The following KMT2A variants were observed in gnomAD, a reference collection of about 807,000 sequenced individuals.
KMT2A encodes histone-lysine N-methyltransferase 2A.
In KMT2A, 16 loss-of-function variants were observed where a neutral mutation model predicts 345.3. The observed-to-expected ratio is 0.05, with a 90% confidence interval of 0.03 to 0.07. KMT2A has a LOEUF of 0.07. Among genes scored for constraint, KMT2A ranks in the 10% least tolerant of loss-of-function variants. The pLI, the probability that KMT2A is intolerant of heterozygous loss-of-function variation, is 1.00. For missense variants in KMT2A, 3,272 were observed against 4,841.6 expected (o/e 0.68, Z 9.62); for synonymous variants, 1,599 against 1,778.6 (o/e 0.90, Z 2.54).
Position 118,471,911 on chromosome 11 carries a change from A to G in KMT2A, c.752A>G (p.Asp251Gly). The G allele has an allele frequency of 1.2e-6, 2 of 1,613,996 alleles. No homozygotes were observed. The highest frequency in any genetic ancestry group is 1.7e-6 in the Non-Finnish European group (2 of 1,179,994). The change falls in exon 3 of 36, where the codon GAT becomes GGT. Residue 251 changes from aspartate to glycine, a missense_variant. This residue lies in a region of KMT2A where 412 missense variants were observed against 511.0 expected (regional missense o/e 0.81). Transcript: ENST00000534358. ...GAGTTACCAAAGGGAAACAAAGAAG[A>G]TAGCCTGAAAAAAATTAAAAGGACA... is the stretch of plus-strand genomic sequence containing the variant. ...ISELPKGNKE[D>G]SLKKIKRTPS...
rs1267880124 is a variant in KMT2A, at chr11:118,526,140, TG to T, written c.*3974del. On this transcript the variant is annotated 3_prime_UTR_variant, in exon 36 of 36. Transcript: ENST00000534358. ...GCTCACTTTCCTCTGATTCCCGAAA[TG>T]GGGGGAACCTCTAACCATAAAGGAA... The T allele has an allele frequency of 6.4e-5, 14 of 217,524 alleles. No individual in the cohort carries two copies. The highest frequency in any genetic ancestry group is 1.8e-4 in the African/African-American group (8 of 44,500). The allele number at this position is 217,524 out of a possible 1,614,324, so 13.5% of individuals were successfully genotyped here. A position where few individuals can be genotyped will look rare whatever the true frequency, so the allele number is the denominator to read the frequency against.
intron 31 of KMT2A, among the ~76,000 whole-genome samples, chr11:118,515,642 C>T (rs1950795072): frequency 6.6e-6 from 1 of 150,508 alleles, no homozygotes; most frequent in Non-Finnish European, 1.5e-5. Context: ...GGACATCTCA[C>T]AGACCAGAAT....
At chr11:118,471,590 A>G in intron 2 of KMT2A, 72 bp from the exon 3 acceptor site, 1 of 1,048,126 alleles carries the variant, frequency 9.5e-7, no homozygotes, top group Non-Finnish European at 1.4e-6. Flanking sequence ...GTGCTAAGTT[A>G]TATTCAGCTT....
Position 118,480,215 on chromosome 11 carries a change from C to A in KMT2A, c.3611C>A (p.Ala1204Asp). ...CQNLQWMPSK[A>D]YLQKQAKAVK... ...AATCTACAATGGATGCCTTCCAAAGCCTACCTGCAGAAGCAAGCTAAAGGT... is the reference window on the plus strand; with the variant it reads ...AATCTACAATGGATGCCTTCCAAAGACTACCTGCAGAAGCAAGCTAAAGGT... Residue 1204 changes from alanine to aspartate, a missense_variant, in exon 6 of 36, where the codon GCC becomes GAC. Physicochemically the swap from Ala to Asp is moderately radical, Grantham distance 126 (BLOSUM62 -2). Coordinates refer to ENST00000534358, the MANE Select transcript of KMT2A (RefSeq NM_001197104.2). The A allele has an allele frequency of 6.2e-7, 1 of 1,613,644 alleles. No homozygotes were observed. The highest frequency in any genetic ancestry group is 8.5e-7 in the Non-Finnish European group (1 of 1,179,718).
chr11:118,448,612 G>A (rs1463681241), intron 1 of KMT2A: 1 of 152,130 alleles, frequency 6.6e-6, no homozygotes, highest in Non-Finnish European at 1.5e-5. Context: ...CCTTCATTGG[G>A]TTATTGAAGC....
chr11:118,447,014 TAA>T (rs1346975261), intron 1 of KMT2A, among the ~76,000 whole-genome samples: 1 of 152,206 alleles, frequency 6.6e-6, no homozygotes, highest in Non-Finnish European at 1.5e-5. Flanking sequence ...TCCTTTGCCT[TAA>T]AGTCTTTCCC....
chr11:118,501,760 C>A lies in KMT2A; in HGVS notation c.6408C>A (p.Ser2136=). Residue 2136 remains serine (S), a synonymous_variant, in exon 26 of 36, where the codon TCC becomes TCA. Transcript: ENST00000534358. ...DRPPHSQTSG[S]CYYHVISKVP... Reference sequence around the variant, plus strand: ...CTCCTCATTCACAAACCTCTGGCTCCTGTTATTATCATGTCATCTCAAAGG... The same window carrying A: ...CTCCTCATTCACAAACCTCTGGCTCATGTTATTATCATGTCATCTCAAAGG... 6.2e-7 allele frequency: 1 copy of A among 1,614,082 alleles called. No homozygotes were observed. Among genetic ancestry groups the A allele is most frequent in the Non-Finnish European group, 8.5e-7 (1 of 1,179,968 alleles).
At position 118,473,531 on chromosome 11, in the gene KMT2A, C is replaced by T; in HGVS notation, c.2372C>T (p.Ala791Val). 6.2e-7 allele frequency: 1 copy of T among 1,614,140 alleles called. No individual in the cohort carries two copies. The highest frequency in any genetic ancestry group is 1.1e-5 in the South Asian group (1 of 91,078). The change falls in exon 3 of 36, where the codon GCC becomes GTC. Residue 791 changes from alanine (A) to valine (V), a missense_variant. Physicochemically the swap from Ala to Val is moderately conservative, Grantham distance 64 (BLOSUM62 0). Around this residue, in one of 27 missense-constraint regions of KMT2A, gnomAD observed 209 missense variants for 237.4 expected, o/e 0.88. Coordinates refer to ENST00000534358, the MANE Select transcript of KMT2A (RefSeq NM_001197104.2). This position sits in a 1 kb window ranked among gnomAD's most constrained non-coding sequence, Gnocchi z 5.2. ...SISVSPLATS[A>V]LNPTFTFPSH... ...TCTGTTAGTCCTCTTGCCACTAGTG[C>T]CTTAAACCCAACTTTTACTTTTCCT...
At chr11:118,480,038 G>A (rs1950104025) in intron 5 of KMT2A, 136 bp from the exon 6 acceptor site, 2 of 674,734 alleles carry the variant, frequency 3.0e-6, no homozygotes, top group Admixed American at 5.0e-5. Flanking sequence ...TCTGAGTAAT[G>A]AGCAGTCCTT....
intron 1 of KMT2A, chr11:118,447,568 T>G: frequency 2.7e-6 from 1 of 374,918 alleles, no homozygotes; most frequent in Non-Finnish European, 5.3e-6. Flanking sequence ...TTATCTTTTA[T>G]GTAGATAATA....
intron 31 of KMT2A, 182 bp from the exon 32 acceptor site, chr11:118,519,436 T>G: frequency 3.7e-6 from 2 of 541,774 alleles, no homozygotes; most frequent in Non-Finnish European, 3.3e-6. Context: ...ATTTTCCATA[T>G]TGATAGATCT....
At chr11:118,443,393 A>T (rs1555026390) in intron 1 of KMT2A, among the ~76,000 whole-genome samples, 1 of 152,212 alleles carries the variant, frequency 6.6e-6, no homozygotes, top group African/African-American at 2.4e-5. Context: ...TAAATATTTC[A>T]ATGAGTTTTT....
rs1439339672 is a variant in KMT2A, at chr11:118,517,054, C to CTAGAACT, written c.11147-2562_11147-2556dup. Among the ~76,000 whole-genome samples the CTAGAACT allele has an allele frequency of 1.5e-3, 232 of 151,874 alleles. 2 individuals carry two copies. Among genetic ancestry groups the CTAGAACT allele is most frequent in the Admixed American group, 0.015 (228 of 15,272 alleles). ...TTTTAACCTAAGAATTCACAGCAAT[C>CTAGAACT]TAGAACTTCCAGGAAAAAATTATTA... On this transcript the variant is annotated intron_variant, in intron 31 of 35. Transcript: ENST00000534358.
chr11:118,441,434 A>C (rs1343880576), intron 1 of KMT2A, among the ~76,000 whole-genome samples: 1 of 152,214 alleles, frequency 6.6e-6, no homozygotes, highest in Non-Finnish European at 1.5e-5. Context: ...TAAAGTTTTT[A>C]CACATAGTTC....
chr11:118,519,070 T>A, intron 31 of KMT2A, among the ~76,000 whole-genome samples: 1 of 82,004 alleles, frequency 1.2e-5, no homozygotes, highest in South Asian at 4.6e-4. Context: ...AGAGTGAGAC[T>A]CCATCTCAAA....
intron 1 of KMT2A, among the ~76,000 whole-genome samples, chr11:118,445,640 A>G (rs1242150331): frequency 6.6e-6 from 1 of 152,256 alleles, no homozygotes; most frequent in African/African-American, 2.4e-5. Context: ...TTGGAACTTG[A>G]GCAGAATGGT....
At chr11:118,459,632 C>T (rs782568864) in intron 1 of KMT2A, among the ~76,000 whole-genome samples, 26 of 151,906 alleles carry the variant, frequency 1.7e-4, no homozygotes, top group Middle Eastern at 3.4e-3. Context: ...GAACTCTAGG[C>T]GGGTGATTTT....
chr11:118,460,407 C>T (rs1344337568), intron 1 of KMT2A, among the ~76,000 whole-genome samples: 6 of 151,642 alleles, frequency 4.0e-5, no homozygotes, highest in African/African-American at 1.5e-4. Context: ...CCTACCTCAG[C>T]CTCCCGAGTA....
chr11:118,444,331 C>T (rs1555026604), intron 1 of KMT2A, among the ~76,000 whole-genome samples: 1 of 152,148 alleles, frequency 6.6e-6, no homozygotes, highest in African/African-American at 2.4e-5. Context: ...GCAGTAAAAC[C>T]TTGTGGATAA....
Sources: gnomAD v4.1 joint callset for allele counts (sites outside exome capture counted in the v4.1 genomes callset) on GRCh38, gnomAD v4.1.1 for gene constraint, gnomAD v4.1.1 regional missense constraint, Gnocchi (gnomAD v3.1) non-coding constraint, MANE v1.5 for transcripts, NCBI Gene and HGNC (gene_info 2026-07-23, HGNC 2026-07-21) for gene names.